Variants in USP7 observed in about 807,000 individuals in gnomAD.
USP7 encodes the protein ubiquitin C-terminal hydrolase 7.
In USP7, 9 loss-of-function variants were observed where a neutral mutation model predicts 162.9. That is an observed-to-expected ratio of 0.06 (90% CI 0.03 to 0.10). The LOEUF is 0.10. Among genes scored for constraint, USP7 ranks in the 10% least tolerant of loss-of-function variants. USP7 has a pLI of 1.00. For synonymous variants in USP7, 562 were observed against 475.9 expected (o/e 1.18, Z -2.35); for missense variants, 715 against 1,373.7 (o/e 0.52, Z 7.58).
chr16:8,945,775 T>G (rs942970641), intron 1 of USP7, among the ~76,000 whole-genome samples: 1 of 151,968 alleles, frequency 6.6e-6, no homozygotes, highest in Non-Finnish European at 1.5e-5. Flanking sequence ...ATCCACTGGG[T>G]GTGGTGGCTC....
rs370012942 is a variant in USP7, at chr16:8,919,807, G to T, written c.611+552C>A. On this transcript the variant is annotated intron_variant, in intron 5 of 30. Transcript: ENST00000344836. ...GACCTGAACACACGACCGTCACCAA[G>T]CGGGACCAGTGCTGGGGGAGACACC... Among the ~76,000 whole-genome samples, 55 of 151,524 alleles carry T rather than the reference G, an allele frequency of 3.6e-4. 1 individual carries two copies. In the East Asian group the frequency reaches 5.9e-3, roughly 16 times the overall value.
intron 18 of USP7, 51 bp downstream of exon 18, chr16:8,902,031 G>C (rs376759701): frequency 6.8e-7 from 1 of 1,460,952 alleles, no homozygotes; most frequent in Non-Finnish European, 9.6e-7. Context: ...AACAATCCAG[G>C]AATCCAACGC....
At chr16:8,924,055 G>A (rs1400032257) in intron 2 of USP7, among the ~76,000 whole-genome samples, 2 of 152,130 alleles carry the variant, frequency 1.3e-5, no homozygotes, top group Non-Finnish European at 2.9e-5. Flanking sequence ...AGTATAAATT[G>A]TTAAATGATA....
At position 8,929,089 on chromosome 16, in the gene USP7, T is replaced by C. The variant is rs142838174; in HGVS notation, c.184+1204A>G. Among the ~76,000 whole-genome samples the C allele has an allele frequency of 2.8e-3, 429 of 151,678 alleles. 2 individuals are homozygous for C. Among genetic ancestry groups the C allele is most frequent in the African/African-American group, 9.6e-3 (396 of 41,354 alleles). ...ACAGTAGGGAAATGTTGGAACAGAT[T>C]GCTCTGTGGGAACTAGACCCGGAAT... On this transcript the variant is annotated intron_variant, in intron 2 of 30. Coordinates refer to ENST00000344836, the MANE Select transcript of USP7 (RefSeq NM_003470.3).
chr16:8,931,939 C>A (rs1898371504), intron 1 of USP7, among the ~76,000 whole-genome samples: 1 of 152,204 alleles, frequency 6.6e-6, no homozygotes, highest in Non-Finnish European at 1.5e-5. Context: ...CAACTGCATA[C>A]AGGAGATGTG....
At chr16:8,957,327 A>C (rs1471800526) in intron 1 of USP7, among the ~76,000 whole-genome samples, 1 of 152,250 alleles carries the variant, frequency 6.6e-6, no homozygotes, top group Non-Finnish European at 1.5e-5. Context: ...GGTGACATTT[A>C]ACATCTAACT....
chr16:8,913,487 T>C (rs1217077814), intron 10 of USP7, among the ~76,000 whole-genome samples: 1 of 151,834 alleles, frequency 6.6e-6, no homozygotes, highest in Non-Finnish European at 1.5e-5. Flanking sequence ...TTCTCAGAAA[T>C]GAGGCGAGCA....
chr16:8,934,788 A>C (rs12924995), intron 1 of USP7, among the ~76,000 whole-genome samples: 59,102 of 152,176 alleles, frequency 0.39, 12,927 homozygotes, highest in East Asian at 0.66. Flanking sequence ...CACCGAGTAC[A>C]TAAGGGGTGG....
chr16:8,961,652 T>C (rs1321530582), intron 1 of USP7, among the ~76,000 whole-genome samples: 2 of 152,146 alleles, frequency 1.3e-5, no homozygotes, highest in African/African-American at 2.4e-5. Context: ...GACAATGTCA[T>C]GGGAAATCCA....
chr16:8,932,393 T>C (rs980485097), intron 1 of USP7, among the ~76,000 whole-genome samples: 3 of 152,142 alleles, frequency 2.0e-5, no homozygotes, highest in African/African-American at 7.2e-5. Flanking sequence ...TAGTGAGACC[T>C]CATCTCAATT....
intron 25 of USP7, 57 bp from the exon 26 acceptor site, chr16:8,897,156 C>T: frequency 5.9e-6 from 8 of 1,348,818 alleles, no homozygotes; most frequent in South Asian, 1.2e-5. Context: ...GGTCTGCTAC[C>T]ACAAAGGAAG....
intron 3 of USP7, among the ~76,000 whole-genome samples, chr16:8,921,634 C>T (rs149129944): frequency 6.6e-6 from 1 of 152,224 alleles, no homozygotes; most frequent in Non-Finnish European, 1.5e-5. Context: ...CCTGCCCCTA[C>T]AGCCCTTCAG....
chr16:8,895,243 G>T, intron 27 of USP7, 93 bp from the exon 28 acceptor site: 1 of 1,580,880 alleles, frequency 6.3e-7, no homozygotes, highest in African/African-American at 1.4e-5. Flanking sequence ...TAACCCGGAG[G>T]GTAAAGCCTA....
intron 28 of USP7, 22 bp downstream of exon 28, chr16:8,895,009 T>C: frequency 1.2e-6 from 2 of 1,614,186 alleles, no homozygotes; most frequent in Non-Finnish European, 1.7e-6. Flanking sequence ...CGTGAGCCAC[T>C]CGGCCAACCA....
chr16:8,900,005 C>T (rs550909141), intron 21 of USP7: 3 of 565,248 alleles, frequency 5.3e-6, no homozygotes, highest in Non-Finnish European at 6.2e-6. Context: ...CAAAACAAAA[C>T]CCCCTTAGGT....
intron 1 of USP7, among the ~76,000 whole-genome samples, chr16:8,939,950 T>G (rs916384216): frequency 6.6e-6 from 1 of 152,040 alleles, no homozygotes; most frequent in Non-Finnish European, 1.5e-5. Flanking sequence ...ATACAAAAAT[T>G]AGCCAAGCAT....
intron 3 of USP7, among the ~76,000 whole-genome samples, chr16:8,922,381 G>T (rs548766630): frequency 6.6e-6 from 1 of 152,348 alleles, no homozygotes; most frequent in African/African-American, 2.4e-5. Context: ...CCAGCTACTT[G>T]AGACGCCGAG....
chr16:8,916,590 G>A (rs758764377), intron 7 of USP7, 34 bp from the exon 8 acceptor site: 44 of 514,982 alleles, frequency 8.5e-5, no homozygotes, highest in African/African-American at 3.5e-4. Context: ...TCCATTTAAA[G>A]CTCAACTTTC....
intron 1 of USP7, among the ~76,000 whole-genome samples, chr16:8,931,389 T>A (rs1383332645): frequency 1.3e-5 from 2 of 152,194 alleles, no homozygotes; most frequent in Non-Finnish European, 2.9e-5. Flanking sequence ...GGTTTCACCA[T>A]GTCGGTCAAC....
Sources: gnomAD v4.1 joint callset for allele counts (sites outside exome capture counted in the v4.1 genomes callset) on GRCh38, gnomAD v4.1.1 for gene constraint, MANE v1.5 for transcripts, NCBI Gene and HGNC (gene_info 2026-07-23, HGNC 2026-07-21) for gene names.